The following TRAF6 variants were observed in gnomAD, a reference collection of about 807,000 sequenced individuals.
The protein encoded by TRAF6 is TNF receptor associated factor 6.
TRAF6 carries 10 observed loss-of-function variants against 48.4 expected under a neutral mutation model. The ratio of observed to expected loss-of-function variants is 0.21; its 90% CI spans 0.13 to 0.35. The LOEUF is 0.35. Ranked by LOEUF, TRAF6 falls within the 10% of genes least tolerant of loss-of-function variation. The pLI, the probability that TRAF6 is intolerant of heterozygous loss-of-function variation, is 1.00. For synonymous variants in TRAF6, 186 were observed against 219.6 expected (o/e 0.85, Z 1.35); for missense variants, 397 against 661.0 (o/e 0.60, Z 4.38).
At chr11:36,491,632 A>T (rs1859565410) in intron 6 of TRAF6, among the ~76,000 whole-genome samples, 1 of 152,246 alleles carries the variant, frequency 6.6e-6, no homozygotes, top group South Asian at 2.1e-4. Context: ...ATGAATCTTG[A>T]AACTAATTTT....
rs1313551845 is a variant in TRAF6, at chr11:36,487,901, ATTT to A, written c.*1934_*1936del. 6.6e-6 allele frequency: 1 copy of A among 152,152 alleles called. No individual in the cohort carries two copies. The highest frequency in any genetic ancestry group is 6.5e-5 in the Admixed American group (1 of 15,272). The allele number at this position is 152,152 out of a possible 1,614,324, so 9.4% of individuals were successfully genotyped here. On this transcript the variant is annotated 3_prime_UTR_variant, in exon 7 of 7. Transcript: ENST00000526995. Reference sequence around the variant, plus strand: ...ATTAAATGTTTTGTGGCAACATTTAATTTTTTTCTCCGATAAAAGTACACATTT... The same window carrying A: ...ATTAAATGTTTTGTGGCAACATTTAATTTTCTCCGATAAAAGTACACATTT...
chr11:36,505,770 G>C (rs1160225237), intron 1 of TRAF6, among the ~76,000 whole-genome samples: 1 of 152,090 alleles, frequency 6.6e-6, no homozygotes, highest in African/African-American at 2.4e-5. Context: ...TGGTTTACTT[G>C]AACACTTAGA....
At chr11:36,501,821 C>A in intron 1 of TRAF6, 1 of 206,602 alleles carries the variant, frequency 4.8e-6, no homozygotes, top group Non-Finnish European at 9.6e-6. Context: ...TCTAGTAGAA[C>A]GACAGCATAT....
intron 1 of TRAF6, among the ~76,000 whole-genome samples, chr11:36,502,126 T>C (rs1254637896): frequency 6.6e-6 from 1 of 152,208 alleles, no homozygotes; most frequent in East Asian, 1.9e-4. Flanking sequence ...AGATGTGTGA[T>C]TTAGTGCAAG....
At chr11:36,494,031 T>C (rs986136853) in intron 5 of TRAF6, among the ~76,000 whole-genome samples, 15 of 152,150 alleles carry the variant, frequency 9.9e-5, no homozygotes, top group Non-Finnish European at 8.8e-5. Context: ...TGTCAGAAGA[T>C]AGCAATCAGA....
chr11:36,496,986 A>T, intron 4 of TRAF6, 122 bp downstream of exon 4: 1 of 1,052,966 alleles, frequency 9.5e-7, no homozygotes, highest in South Asian at 1.7e-5. Context: ...TTTTTCCCAA[A>T]ATTGATAATG....
In TRAF6 at chr11:36,498,611, T is replaced by C. The variant is rs368077395; in HGVS notation, c.326A>G (p.Asn109Ser). 5 of 1,613,212 alleles carry C rather than the reference T, an allele frequency of 3.1e-6. No individual in the cohort carries two copies. The highest frequency in any genetic ancestry group is 2.2e-5 in the East Asian group (1 of 44,814). ...TAGTTGATTTTCCAGCAGTATTTCA[T>C]TGTCAACTGGACATTTGTGACCTGC... is the stretch of plus-strand genomic sequence containing the variant. ...RDAGHKCPVD[N>S]EILLENQLFP... The change falls in exon 3 of 7, where the codon AAT becomes AGT. Residue 109 changes from asparagine (N) to serine (S), a missense_variant. By Grantham distance (46) the Asn-to-Ser change is conservative. Around this residue, in one of 4 missense-constraint regions of TRAF6, gnomAD observed 245 missense variants for 349.1 expected, o/e 0.70. Transcript: ENST00000526995.
intron 1 of TRAF6, among the ~76,000 whole-genome samples, chr11:36,506,023 T>C (rs902612409): frequency 1.3e-5 from 2 of 152,018 alleles, no homozygotes; most frequent in Non-Finnish European, 2.9e-5. Flanking sequence ...AAGTTTAAAA[T>C]ATTCCAAGAA....
chr11:36,488,804 T>TA lies in TRAF6; in HGVS notation c.*1033dup, dbSNP rs1345795347. ...GTATCTCCAATCATCTCCCAAGTTT[T>TA]AAAAAATTCTGATTTTAGGAAATCA... On this transcript the variant is annotated 3_prime_UTR_variant, in exon 7 of 7. Transcript: ENST00000526995. The TA allele has an allele frequency of 6.6e-6, 1 of 152,198 alleles. No individual in the cohort carries two copies. The highest frequency in any genetic ancestry group is 1.9e-4 in the East Asian group (1 of 5,198). 9.4% of individuals were successfully genotyped at this position (152,198 alleles called of 1,614,324 possible). A position where few individuals can be genotyped will look rare whatever the true frequency, so the allele number is the denominator to read the frequency against.
chr11:36,508,328 G>C (rs955875891), intron 1 of TRAF6, among the ~76,000 whole-genome samples: 1 of 151,798 alleles, frequency 6.6e-6, no homozygotes, highest in Admixed American at 6.6e-5. Context: ...ATTGTGGAAC[G>C]TTAACTACTG....
In TRAF6 at chr11:36,484,212, C is replaced by G. The variant is rs1859449744; in HGVS notation, c.*5626G>C. On this transcript the variant is annotated 3_prime_UTR_variant, in exon 7 of 7. Coordinates refer to ENST00000526995, the MANE Select transcript of TRAF6 (RefSeq NM_004620.4). ...CAGGGAGTGGTGGAAGATGTGCCACCTCAAATCTGGATAATTCCTTTAATC... is the reference window on the plus strand; with the variant it reads ...CAGGGAGTGGTGGAAGATGTGCCACGTCAAATCTGGATAATTCCTTTAATC... Among the ~76,000 whole-genome samples the G allele has an allele frequency of 6.6e-6, 1 of 152,216 alleles. No individual in the cohort carries two copies. The highest frequency in any genetic ancestry group is 1.5e-5 in the Non-Finnish European group (1 of 68,034).
rs1325843053 is a variant in TRAF6, at chr11:36,501,220, C to T, written c.296G>A (p.Arg99Lys). ...ACCATTTTTTCTTATGCTCACGTAC[C>T]TTATTGATTTTATGATGCAGGCTTT... ...FCKACIIKSI[R>K]DAGHKCPVDN... The change falls in exon 2 of 7, where the codon AGG becomes AAG. Residue 99 changes from arginine to lysine, a missense_variant and splice_region_variant. Around this residue, in one of 4 missense-constraint regions of TRAF6, gnomAD observed 245 missense variants for 349.1 expected, o/e 0.70. Coordinates refer to ENST00000526995, the MANE Select transcript of TRAF6 (RefSeq NM_004620.4). The T allele has an allele frequency of 6.3e-7, 1 of 1,587,418 alleles. No individual in the cohort carries two copies. Among genetic ancestry groups the T allele is most frequent in the Non-Finnish European group, 8.6e-7 (1 of 1,165,146 alleles).
chr11:36,500,392 A>G (rs1859699999), intron 2 of TRAF6, among the ~76,000 whole-genome samples: 1 of 152,214 alleles, frequency 6.6e-6, no homozygotes. Context: ...AGGCAGGAGC[A>G]TGCCTGACAT....
Position 36,490,731 on chromosome 11 carries a change from G to A in TRAF6, c.757-81C>T. 2.4e-6 allele frequency: 3 copies of A among 1,275,100 alleles called. No homozygotes were observed. The highest frequency in any genetic ancestry group is 3.2e-6 in the Non-Finnish European group (3 of 923,632). 79.0% of individuals were successfully genotyped at this position (1,275,100 alleles called of 1,614,324 possible). A position where few individuals can be genotyped will look rare whatever the true frequency, so the allele number is the denominator to read the frequency against. On this transcript the variant is annotated intron_variant, in intron 6 of 6. Coordinates refer to ENST00000526995, the MANE Select transcript of TRAF6 (RefSeq NM_004620.4). The surrounding 1 kb of genome is among the most constrained non-coding windows in gnomAD (Gnocchi z 6.4). ...AGGACCTGGCCAGGTCAAATAAGAA[G>A]TTTTCAAGTAGTCACACCACTTCCC...
rs1284282437 is a variant in TRAF6 at position 36,484,490 on chromosome 11, TAC to T, written c.*5346_*5347del. On this transcript the variant is annotated 3_prime_UTR_variant, in exon 7 of 7. Coordinates refer to ENST00000526995, the MANE Select transcript of TRAF6 (RefSeq NM_004620.4). ...TCAGATTTCATTCCACAGCTTGTCA[TAC>T]AGTTTACAGAATTATGAGAATCCTC... Among the ~76,000 whole-genome samples the T allele has an allele frequency of 6.6e-6, 1 of 152,244 alleles. No homozygotes were observed. Among genetic ancestry groups the T allele is most frequent in the African/African-American group, 2.4e-5 (1 of 41,458 alleles).
At position 36,490,429 on chromosome 11, in the gene TRAF6, A is replaced by G. The variant is rs781690437; in HGVS notation, c.978T>C (p.Tyr326=). The G allele has an allele frequency of 6.2e-7, 1 of 1,613,940 alleles. No homozygotes were observed. The highest frequency in any genetic ancestry group is 1.1e-5 in the South Asian group (1 of 91,070). ...GAATGGTTCGTTTGAGCTCACTTAC[A>G]TACATACTCTGAGTTTCCATTTTAG... ...LTAKMETQSM[Y]VSELKRTIRT... Residue 326 remains tyrosine, a synonymous_variant, in exon 7 of 7, where the codon TAT becomes TAC. Coordinates refer to ENST00000526995, the MANE Select transcript of TRAF6 (RefSeq NM_004620.4). This position sits in a 1 kb window ranked among gnomAD's most constrained non-coding sequence, Gnocchi z 6.4.
intron 1 of TRAF6, among the ~76,000 whole-genome samples, chr11:36,509,193 G>A (rs5030419): frequency 2.0e-5 from 3 of 152,188 alleles, no homozygotes; most frequent in Non-Finnish European, 2.9e-5. Context: ...TGTGTAACAA[G>A]ACATTCAGTA....
chr11:36,507,874 T>A (rs1002358536), intron 1 of TRAF6, among the ~76,000 whole-genome samples: 95 of 148,588 alleles, frequency 6.4e-4, no homozygotes, highest in African/African-American at 2.3e-3. Flanking sequence ...ACTTTTTTTT[T>A]TGTCAGGGTC....
rs577802750 is a variant in TRAF6, at chr11:36,497,214, C to T, written c.500G>A (p.Arg167His). 42 of 1,613,724 alleles carry T rather than the reference C, an allele frequency of 2.6e-5. No homozygotes were observed. The highest frequency in any genetic ancestry group is 8.9e-5 in the East Asian group (4 of 44,862). ...ATTAATATGGAATTTTTGGAAGGGA[C>T]GCTGGCATTGGGGACAATCCATAAG... ...FALMDCPQCQ[R>H]PFQKFHINIH... Residue 167 changes from arginine (R) to histidine (H), a missense_variant, in exon 4 of 7, where the codon CGT becomes CAT. Physicochemically the swap from Arg to His is conservative, Grantham distance 29. Coordinates refer to ENST00000526995, the MANE Select transcript of TRAF6 (RefSeq NM_004620.4).
Sources: gnomAD v4.1 joint callset for allele counts (sites outside exome capture counted in the v4.1 genomes callset) on GRCh38, gnomAD v4.1.1 for gene constraint, gnomAD v4.1.1 regional missense constraint, Gnocchi (gnomAD v3.1) non-coding constraint, MANE v1.5 for transcripts, NCBI Gene and HGNC (gene_info 2026-07-23, HGNC 2026-07-21) for gene names.